The following TASP1 variants were observed in gnomAD, a reference collection of about 807,000 sequenced individuals.
TASP1 encodes taspase 1.
Under a neutral mutation model 56.6 loss-of-function variants are expected in TASP1, and 16 were observed. The observed-to-expected ratio is 0.28, with a 90% CI of 0.19 to 0.43. TASP1 has a LOEUF of 0.43. Among genes scored for constraint, TASP1 ranks in the 20% least tolerant of loss-of-function variants. The probability of loss-of-function intolerance (pLI) is 1.00; values close to 1 mark genes in which losing one functional copy is unlikely to be tolerated. For synonymous variants in TASP1, 179 were observed against 184.2 expected (o/e 0.97, Z 0.23); for missense variants, 393 against 511.6 (o/e 0.77, Z 2.24).
At chr20:13,434,454 C>T (rs563898971) in intron 12 of TASP1, among the ~76,000 whole-genome samples, 24 of 152,200 alleles carry the variant, frequency 1.6e-4, no homozygotes, top group African/African-American at 5.5e-4. Context: ...TGGGTAGAAA[C>T]AAAACCACAC....
rs562029552 is a variant in TASP1, at chr20:13,519,390, C to T, written c.874+9043G>A. Reference sequence around the variant, plus strand: ...GACAACTCAAATTAGAAAATAAAACCGATCCAGCAGCACATCAAAAAGCTT... The same window carrying T: ...GACAACTCAAATTAGAAAATAAAACTGATCCAGCAGCACATCAAAAAGCTT... On this transcript the variant is annotated intron_variant, in intron 10 of 13. Transcript: ENST00000337743. Among the ~76,000 whole-genome samples, 9 of 151,908 alleles carry T rather than the reference C, an allele frequency of 5.9e-5. No homozygotes were observed. In the South Asian group the frequency reaches 1.0e-3, roughly 18 times the overall value.
rs57418361 is a variant in TASP1, at chr20:13,394,307, CAAAAAAAAA to C, written c.1171-3864_1171-3856del. 4.7e-4 allele frequency among the ~76,000 whole-genome samples: 20 copies of C among 42,948 alleles called. 1 individual carries two copies. Among genetic ancestry groups the C allele is most frequent in the African/African-American group, 1.8e-3 (20 of 10,864 alleles). The allele number at this position is 42,948 out of a possible 152,430, so 28.2% of individuals were successfully genotyped here. On this transcript the variant is annotated intron_variant, in intron 13 of 13. Transcript: ENST00000337743. ...GCCACTGCACTACAGCACTCCCTCT[CAAAAAAAAA>C]AAAAAAAAAAAAGGCCTGGTGCGGT...
the TASP1 span, among the ~76,000 whole-genome samples, chr20:13,310,104 T>C: frequency 6.6e-6 from 1 of 152,154 alleles, no homozygotes; most frequent in South Asian, 2.1e-4. Flanking sequence ...AAAATTCATA[T>C]GGAAGCACAA....
At chr20:13,416,413 A>G (rs1325633464) in intron 13 of TASP1, among the ~76,000 whole-genome samples, 1 of 152,196 alleles carries the variant, frequency 6.6e-6, no homozygotes, top group Non-Finnish European at 1.5e-5. Flanking sequence ...TTTTCACAAT[A>G]TAAGTCAATC....
chr20:13,576,404 T>TGTC (rs2046930877), intron 6 of TASP1, among the ~76,000 whole-genome samples: 2 of 143,688 alleles, frequency 1.4e-5, no homozygotes, highest in African/African-American at 5.2e-5. Context: ...AAAGTCAGTC[T>TGTC]TATGGAATCT....
At chr20:13,268,405 C>A in the TASP1 span, among the ~76,000 whole-genome samples, 3 of 109,446 alleles carry the variant, frequency 2.7e-5, no homozygotes, top group African/African-American at 3.6e-5. Context: ...TCTCTCTCTC[C>A]ATGCTAGGTT....
chr20:13,145,346 A>C, the TASP1 span, among the ~76,000 whole-genome samples: 1 of 152,202 alleles, frequency 6.6e-6, no homozygotes, highest in Admixed American at 6.5e-5. Flanking sequence ...CACCAACAAC[A>C]GCAAAACTGA....
chr20:13,147,401 CCT>C, the TASP1 span, among the ~76,000 whole-genome samples: 1 of 152,082 alleles, frequency 6.6e-6, no homozygotes, highest in Non-Finnish European at 1.5e-5. Flanking sequence ...TCTCTCTGCC[CCT>C]GAGTGTGTTG....
intron 6 of TASP1, among the ~76,000 whole-genome samples, chr20:13,580,469 A>C (rs2147209027): frequency 6.6e-6 from 1 of 152,166 alleles, no homozygotes; most frequent in Non-Finnish European, 1.5e-5. Context: ...AAACAAAATA[A>C]AAATAAACAA....
chr20:13,488,954 G>T (rs6033731), intron 10 of TASP1, among the ~76,000 whole-genome samples: 33,630 of 151,998 alleles, frequency 0.22, 3,827 homozygotes, highest in Middle Eastern at 0.29. Context: ...CCTCCCTGCT[G>T]CTCTCACTTC....
chr20:13,174,408 A>T, the TASP1 span, among the ~76,000 whole-genome samples: 1 of 152,206 alleles, frequency 6.6e-6, no homozygotes, highest in African/African-American at 2.4e-5. Flanking sequence ...TACTCTTAAG[A>T]TATTCCAGGC....
intron 10 of TASP1, among the ~76,000 whole-genome samples, chr20:13,483,787 C>A (rs1054362487): frequency 2.6e-5 from 4 of 152,098 alleles, no homozygotes; most frequent in African/African-American, 7.2e-5. Flanking sequence ...GCAATGGCAA[C>A]AAAAGCCAAA....
intron 13 of TASP1, among the ~76,000 whole-genome samples, chr20:13,403,823 A>G (rs536721577): frequency 2.6e-5 from 4 of 152,292 alleles, no homozygotes; most frequent in African/African-American, 9.6e-5. Context: ...TTGAGGTTAC[A>G]GTGAGCCATA....
the TASP1 span, among the ~76,000 whole-genome samples, chr20:13,295,523 C>G: frequency 1.3e-5 from 2 of 152,194 alleles, no homozygotes; most frequent in African/African-American, 4.8e-5. Flanking sequence ...AGAGCCTTCC[C>G]TTGTCCTTCC....
At chr20:13,119,511 C>T in the TASP1 span, among the ~76,000 whole-genome samples, 45 of 152,302 alleles carry the variant, frequency 3.0e-4, no homozygotes, top group Middle Eastern at 3.4e-3. Context: ...CCATTATTTA[C>T]ATTAATCGGG....
At chr20:13,294,082 T>C in the TASP1 span, among the ~76,000 whole-genome samples, 41 of 152,004 alleles carry the variant, frequency 2.7e-4, no homozygotes, top group South Asian at 8.1e-3. Flanking sequence ...ATCCAAAGGG[T>C]CGGCCATGAT....
the TASP1 span, among the ~76,000 whole-genome samples, chr20:13,149,701 G>A: frequency 1.3e-5 from 2 of 152,224 alleles, no homozygotes; most frequent in Admixed American, 1.3e-4. Context: ...GTTCTTAGGA[G>A]TCAGATACCC....
chr20:13,279,851 C>T, the TASP1 span: 53 of 1,613,854 alleles, frequency 3.3e-5, no homozygotes, highest in African/African-American at 5.3e-5. Context: ...TGGGACCATA[C>T]AGCCCCAGGC....
At chr20:13,483,824 A>C (rs1443451962) in intron 10 of TASP1, among the ~76,000 whole-genome samples, 1 of 152,200 alleles carries the variant, frequency 6.6e-6, no homozygotes, top group Non-Finnish European at 1.5e-5. Context: ...TAATTAAACT[A>C]AAGAGCTTCT....
Sources: gnomAD v4.1 joint callset for allele counts (sites outside exome capture counted in the v4.1 genomes callset) on GRCh38, gnomAD v4.1.1 for gene constraint, MANE v1.5 for transcripts, NCBI Gene and HGNC (gene_info 2026-07-23, HGNC 2026-07-21) for gene names.